Variants in SMG6 observed in about 807,000 individuals in gnomAD.
The protein encoded by SMG6 is telomerase-binding protein EST1A.
In SMG6, 66 loss-of-function variants were observed where a neutral mutation model predicts 142.2. The ratio of observed to expected loss-of-function variants is 0.46; its 90% CI spans 0.38 to 0.57. The LOEUF is 0.57. SMG6 is among the 20% of genes least tolerant of loss of function. The pLI is 0.00. For missense variants in SMG6, 1,793 were observed against 1,832.0 expected, an observed-to-expected ratio of 0.98 and a Z score of 0.39; for synonymous variants, 779 against 702.4, an observed-to-expected ratio of 1.11 and a Z score of -1.72.
intron 8 of SMG6, among the ~76,000 whole-genome samples, chr17:2,245,448 T>C (rs1052492149): frequency 6.6e-6 from 1 of 152,212 alleles, no homozygotes; most frequent in South Asian, 2.1e-4. Context: ...TGCAGTGGTA[T>C]GATTTCAGCT....
chr17:2,088,548 A>G, intron 13 of SMG6: 1 of 985,438 alleles, frequency 1.0e-6, no homozygotes, highest in Non-Finnish European at 1.2e-6. Flanking sequence ...AAAGGCTGTG[A>G]TCTACTGGGG....
chr17:2,284,569 G>A (rs1292938398), intron 6 of SMG6, among the ~76,000 whole-genome samples: 2 of 152,098 alleles, frequency 1.3e-5, no homozygotes, highest in African/African-American at 4.8e-5. Flanking sequence ...CATTTTCAAT[G>A]TTTTCCATAA....
chr17:2,147,740 G>C (rs2070710230), intron 13 of SMG6, among the ~76,000 whole-genome samples: 1 of 152,170 alleles, frequency 6.6e-6, no homozygotes, highest in Admixed American at 6.5e-5. Context: ...CAAAACCACA[G>C]TGCAATACTG....
At chr17:2,096,123 C>A (rs1189120299) in intron 13 of SMG6, among the ~76,000 whole-genome samples, 2 of 152,132 alleles carry the variant, frequency 1.3e-5, no homozygotes, top group Non-Finnish European at 2.9e-5. Flanking sequence ...CTCACTGCTG[C>A]CTCAAATAAC....
chr17:2,073,827 C>T (rs890195662), intron 15 of SMG6, among the ~76,000 whole-genome samples: 3 of 151,942 alleles, frequency 2.0e-5, no homozygotes, highest in Non-Finnish European at 4.4e-5. Flanking sequence ...GCTTGTAATC[C>T]CAGCACTTTG....
chr17:2,204,699 C>T (rs145721435), intron 10 of SMG6, among the ~76,000 whole-genome samples: 13 of 152,320 alleles, frequency 8.5e-5, no homozygotes, highest in Admixed American at 8.5e-4. Context: ...CATGGTGGCT[C>T]ACGCCTATAA....
intron 13 of SMG6, among the ~76,000 whole-genome samples, chr17:2,121,583 CTGTCTGTGTGTGTGTGTGTGTG>C (rs1233236842): frequency 1.9e-4 from 22 of 118,294 alleles, no homozygotes; most frequent in African/African-American, 4.7e-4. Flanking sequence ...ATGTACATGT[CTGTCTGTGTGTGTGTGTGTGTG>C]TGTGTGTGTG....
intron 13 of SMG6, among the ~76,000 whole-genome samples, chr17:2,133,697 G>A (rs1363754093): frequency 6.6e-6 from 1 of 152,172 alleles, no homozygotes; most frequent in Non-Finnish European, 1.5e-5. Context: ...GCTAACACAT[G>A]TGGCTAATAG....
At chr17:2,271,118 T>G (rs1338839598) in intron 8 of SMG6, among the ~76,000 whole-genome samples, 24 of 91,212 alleles carry the variant, frequency 2.6e-4, no homozygotes, top group African/African-American at 1.5e-3. Flanking sequence ...TTTTTCTGGT[T>G]TTTTTTTTTT....
intron 13 of SMG6, among the ~76,000 whole-genome samples, chr17:2,168,076 C>T (rs1186967122): frequency 6.6e-6 from 1 of 152,178 alleles, no homozygotes; most frequent in Non-Finnish European, 1.5e-5. Context: ...CTATGTCACC[C>T]AGGCTGGTTT....
At chr17:2,080,891 T>A (rs1037071046) in intron 15 of SMG6, among the ~76,000 whole-genome samples, 9 of 152,150 alleles carry the variant, frequency 5.9e-5, no homozygotes, top group Admixed American at 2.6e-4. Context: ...CGCCTCAGCC[T>A]CCCAAAGTGC....
chr17:2,163,196 T>C (rs1567649533), intron 13 of SMG6, among the ~76,000 whole-genome samples: 1 of 152,174 alleles, frequency 6.6e-6, no homozygotes, highest in Non-Finnish European at 1.5e-5. Flanking sequence ...GATTATTTTA[T>C]TTATTTTTTA....
At chr17:2,077,602 A>G (rs2068296411) in intron 15 of SMG6, among the ~76,000 whole-genome samples, 1 of 152,230 alleles carries the variant, frequency 6.6e-6, no homozygotes, top group Non-Finnish European at 1.5e-5. Flanking sequence ...CTGCACAGGC[A>G]TTTTACGTGC....
At chr17:2,292,517 C>G (rs370464111) in intron 6 of SMG6, 35 bp downstream of exon 6, 1 of 1,600,778 alleles carries the variant, frequency 6.2e-7, no homozygotes, top group Non-Finnish European at 8.6e-7. Context: ...ATACTTCCTG[C>G]AAAGCACTTT....
intron 13 of SMG6, among the ~76,000 whole-genome samples, chr17:2,089,303 A>C (rs747262661): frequency 6.6e-6 from 1 of 152,110 alleles, no homozygotes; most frequent in Non-Finnish European, 1.5e-5. Context: ...GGGCTACATT[A>C]GCACGTGGGG....
At chr17:2,230,777 G>T (rs1209984213) in intron 10 of SMG6, among the ~76,000 whole-genome samples, 1 of 152,064 alleles carries the variant, frequency 6.6e-6, no homozygotes, top group Non-Finnish European at 1.5e-5. Context: ...ATCCTTCTCT[G>T]GCCTGCCTTC....
chr17:2,256,435 T>C (rs2074181624), intron 8 of SMG6, among the ~76,000 whole-genome samples: 1 of 151,888 alleles, frequency 6.6e-6, no homozygotes, highest in African/African-American at 2.4e-5. Flanking sequence ...ATTTACAGAC[T>C]AGCGGTGGTG....
chr17:2,233,260 G>A (rs909817648), intron 10 of SMG6: 2 of 152,234 alleles, frequency 1.3e-5, no homozygotes, highest in African/African-American at 4.8e-5. Flanking sequence ...TTCTGCTTCC[G>A]GCTGGAATGC....
intron 15 of SMG6, among the ~76,000 whole-genome samples, chr17:2,077,247 A>G (rs976595518): frequency 3.9e-5 from 6 of 152,214 alleles, no homozygotes; most frequent in African/African-American, 1.4e-4. Flanking sequence ...CCCGATTCCA[A>G]GGAGTGCACA....
Sources: allele counts gnomAD v4.1 joint callset (sites outside exome capture counted in the v4.1 genomes callset), GRCh38; gene constraint gnomAD v4.1.1; transcripts MANE v1.5; gene names NCBI Gene and HGNC (gene_info 2026-07-23, HGNC 2026-07-21).